Variants in CSGALNACT1 observed in about 807,000 individuals in gnomAD.
CSGALNACT1 encodes the protein beta4GalNAcT-1.
In CSGALNACT1, 52 loss-of-function variants were observed where a neutral mutation model predicts 51.0. That is an observed-to-expected ratio of 1.02 (90% CI 0.82 to 1.29). The LOEUF is 1.29. Ranked by LOEUF, CSGALNACT1 falls within the 50% of genes most tolerant of loss-of-function variation. The pLI, the probability that CSGALNACT1 is intolerant of heterozygous loss-of-function variation, is 0.00. For synonymous variants in CSGALNACT1, 341 were observed against 254.4 expected (o/e 1.34, Z -3.24); for missense variants, 935 against 679.2 (o/e 1.38, Z -4.19).
intron 4 of CSGALNACT1, among the ~76,000 whole-genome samples, chr8:19,483,659 T>C (rs956654878): frequency 1.3e-5 from 2 of 152,178 alleles, no homozygotes; most frequent in Non-Finnish European, 2.9e-5. Context: ...ATACAACAAT[T>C]ATGTAATCTC....
intron 1 of CSGALNACT1, among the ~76,000 whole-genome samples, chr8:19,700,171 G>A (rs1191493831): frequency 6.7e-6 from 1 of 148,648 alleles, no homozygotes. Context: ...TTTAAAATAA[G>A]AAATAAGGCA....
At chr8:19,746,246 T>G (rs1033795630) in intron 1 of CSGALNACT1, among the ~76,000 whole-genome samples, 46 of 152,234 alleles carry the variant, frequency 3.0e-4, no homozygotes, top group African/African-American at 1.0e-3. Flanking sequence ...GGGGTCAGAA[T>G]CCACTGTCTG....
chr8:19,645,709 A>C (rs2057211170), intron 1 of CSGALNACT1, among the ~76,000 whole-genome samples: 2 of 152,206 alleles, frequency 1.3e-5, no homozygotes, highest in African/African-American at 4.8e-5. Context: ...CTGACTTGCA[A>C]GCACAGGGGG....
chr8:19,751,929 C>G (rs1306645518), intron 1 of CSGALNACT1, among the ~76,000 whole-genome samples: 1 of 151,910 alleles, frequency 6.6e-6, no homozygotes, highest in Non-Finnish European at 1.5e-5. Context: ...ATTACCCAGT[C>G]TCAGGTAGTT....
At chr8:19,614,500 G>C (rs763028157) in intron 1 of CSGALNACT1, among the ~76,000 whole-genome samples, 1 of 152,128 alleles carries the variant, frequency 6.6e-6, no homozygotes, top group Non-Finnish European at 1.5e-5. Context: ...GATGAGTAAA[G>C]TACAATCATC....
At chr8:19,594,429 G>A (rs1483570208) in intron 2 of CSGALNACT1, among the ~76,000 whole-genome samples, 5 of 152,062 alleles carry the variant, frequency 3.3e-5, no homozygotes, top group Admixed American at 6.5e-5. Flanking sequence ...ACAGTGAGAC[G>A]AACAATAACA....
chr8:19,655,361 G>T (rs1211519631), intron 1 of CSGALNACT1, among the ~76,000 whole-genome samples: 1 of 151,936 alleles, frequency 6.6e-6, no homozygotes, highest in Non-Finnish European at 1.5e-5. Flanking sequence ...TTTGCTAGTT[G>T]GGTGTTATTT....
In CSGALNACT1 at chr8:19,625,227, T is replaced by C. The variant is rs773475935; in HGVS notation, c.-543-23362A>G. Among the ~76,000 whole-genome samples the C allele has an allele frequency of 4.9e-4, 75 of 152,218 alleles. 1 individual carries two copies. Among genetic ancestry groups the C allele is most frequent in the Non-Finnish European group, 1.9e-4 (13 of 68,048 alleles). On this transcript the variant is annotated intron_variant, in intron 1 of 9. Coordinates refer to the CSGALNACT1 transcript ENST00000332246. ...TCTGTGACACACATCACGCTGTTTC[T>C]TCCTCCAATAGGCATTAAACTGCAG...
rs186446640 is a variant in CSGALNACT1 at position 19,420,257 on chromosome 8, G to A, written c.1132+83C>T. On this transcript the variant is annotated intron_variant, in intron 7 of 9. Coordinates refer to ENST00000454498, the Ensembl canonical transcript of CSGALNACT1. ...AGGCTGATTCAGAAGCAGGACATCA[G>A]AGTGACTGACCCATCAAGAGGACGA... is the stretch of plus-strand genomic sequence containing the variant. The A allele has an allele frequency of 4.4e-4, 550 of 1,238,716 alleles. 4 individuals carry two copies. In the Middle Eastern group the frequency reaches 8.9e-3, roughly 20 times the overall value. The allele number at this position is 1,238,716 out of a possible 1,614,324, so 76.7% of individuals were successfully genotyped here. A position where few individuals can be genotyped will look rare whatever the true frequency, so the allele number is the denominator to read the frequency against.
chr8:19,404,375 TGCTG>T (rs1334224047), exon 10 of CSGALNACT1: 3 of 453,654 alleles, frequency 6.6e-6, no homozygotes, highest in Admixed American at 2.4e-5. Flanking sequence ...ATGCATCTGG[TGCTG>T]GCTAATAATT....
Position 19,757,368 on chromosome 8 carries a change from G to A in CSGALNACT1, c.-297+482C>T, listed in dbSNP as rs1164244831. The A allele has an allele frequency of 3.9e-4, 59 of 151,660 alleles. No individual in the cohort carries two copies. Among genetic ancestry groups the A allele is most frequent in the Non-Finnish European group, 1.8e-4 (12 of 67,532 alleles). The allele number at this position is 151,660 out of a possible 1,614,324, so 9.4% of individuals were successfully genotyped here. A position where few individuals can be genotyped will look rare whatever the true frequency, so the allele number is the denominator to read the frequency against. ...GCGGCTCGGGCGGGCGGGCGCAACA[G>A]CGGCCAAGCCTGGCGCCCCGCCGCA... On this transcript the variant is annotated intron_variant, in intron 1 of 1. Coordinates refer to the CSGALNACT1 transcript ENST00000517494. This position sits in a 1 kb window ranked among gnomAD's most constrained non-coding sequence, Gnocchi z 4.0.
At chr8:19,670,825 G>A (rs1260442546) in intron 1 of CSGALNACT1, among the ~76,000 whole-genome samples, 9 of 152,144 alleles carry the variant, frequency 5.9e-5, no homozygotes, top group Non-Finnish European at 1.3e-4. Flanking sequence ...TCCGGCACAA[G>A]TAGCTTTTGG....
intron 1 of CSGALNACT1, among the ~76,000 whole-genome samples, chr8:19,668,221 G>T (rs927794182): frequency 6.6e-6 from 1 of 152,106 alleles, no homozygotes; most frequent in African/African-American, 2.4e-5. Flanking sequence ...GCTTTCCTCT[G>T]TTCCTTTAAT....
At chr8:19,727,716 T>C (rs7831332) in intron 1 of CSGALNACT1, among the ~76,000 whole-genome samples, 104,531 of 151,912 alleles carry the variant, frequency 0.69, 36,284 homozygotes, top group Middle Eastern at 0.84. Context: ...TCAAAATGTG[T>C]CCTCCCTTTT....
chr8:19,713,495 A>C (rs2062629080), intron 1 of CSGALNACT1, among the ~76,000 whole-genome samples: 1 of 152,140 alleles, frequency 6.6e-6, no homozygotes, highest in South Asian at 2.1e-4. Flanking sequence ...CCTTTTTTGG[A>C]AATAAGGTTG....
chr8:19,409,279 G>A (rs1454296446), intron 8 of CSGALNACT1, among the ~76,000 whole-genome samples: 2 of 152,122 alleles, frequency 1.3e-5, no homozygotes, highest in Non-Finnish European at 2.9e-5. Flanking sequence ...TGAGGAAAAG[G>A]GCACTAGAAG....
chr8:19,577,890 G>A (rs916143676), intron 3 of CSGALNACT1, among the ~76,000 whole-genome samples: 3 of 152,092 alleles, frequency 2.0e-5, no homozygotes, highest in African/African-American at 7.2e-5. Flanking sequence ...CCAAACTATT[G>A]GCATCACATC....
At chr8:19,725,160 A>G (rs535473671) in intron 1 of CSGALNACT1, among the ~76,000 whole-genome samples, 1 of 152,212 alleles carries the variant, frequency 6.6e-6, no homozygotes, top group Non-Finnish European at 1.5e-5. Flanking sequence ...CTCTGACACT[A>G]TGGATAACTG....
At chr8:19,628,513 T>C (rs1250764674) in intron 1 of CSGALNACT1, among the ~76,000 whole-genome samples, 2 of 152,234 alleles carry the variant, frequency 1.3e-5, no homozygotes. Context: ...GTATCAACAG[T>C]GTTCACTGCA....
Sources: allele counts gnomAD v4.1 joint callset (sites outside exome capture counted in the v4.1 genomes callset), GRCh38; gene constraint gnomAD v4.1.1; non-coding constraint Gnocchi (gnomAD v3.1); transcripts MANE v1.5; gene names NCBI Gene and HGNC (gene_info 2026-07-23, HGNC 2026-07-21).